Variants in ETS1 observed in about 807,000 individuals in gnomAD.
The protein encoded by ETS1 is ETS proto-oncogene 1, transcription factor.
A neutral mutation model predicts 58.6 loss-of-function variants in ETS1; 15 were observed. The observed-to-expected ratio is 0.26, with a 90% CI of 0.17 to 0.39. The LOEUF is 0.39. Among genes scored for constraint, ETS1 ranks in the 10% least tolerant of loss-of-function variants. The probability of loss-of-function intolerance (pLI) is 1.00; values close to 1 mark genes in which losing one functional copy is unlikely to be tolerated. For missense variants in ETS1, 417 were observed against 610.5 expected (o/e 0.68, Z 3.34); for synonymous variants, 214 against 218.2 (o/e 0.98, Z 0.17).
intron 4 of ETS1, 147 bp from the exon 5 acceptor site, chr11:128,489,637 A>G (rs148655987): frequency 5.7e-4 from 369 of 650,672 alleles, no homozygotes; most frequent in Non-Finnish European, 8.8e-4. Context: ...CCTGCACATC[A>G]TTGAGTGCCT....
rs1364291656 is a variant in ETS1 at position 128,522,606 on chromosome 11, GGGA to G, written c.215-32033_215-32031del. Among the ~76,000 whole-genome samples the G allele has an allele frequency of 2.0e-5, 3 of 152,316 alleles. No individual in the cohort carries two copies. In the East Asian group the frequency reaches 5.8e-4, roughly 29 times the overall value. ...CGGGCCTCGGAGCCCAGGCAGGGGC[GGGA>G]AGGGCCGGGAGCGGGTGTGCAGGCT... is the stretch of plus-strand genomic sequence containing the variant. On this transcript the variant is annotated intron_variant, in intron 3 of 9. Transcript: ENST00000392668.
rs116471411 is a variant in ETS1 at position 128,567,321 on chromosome 11, C to T, written c.69+5741G>A. Among the ~76,000 whole-genome samples the T allele has an allele frequency of 5.3e-3, 812 of 152,340 alleles. 4 individuals carry two copies. The highest frequency in any genetic ancestry group is 0.017 in the African/African-American group (707 of 41,572). ...CTCCCAAGGTGACATCCAGCATGAA[C>T]TCAGGCTTATTTCCAGTGCCCTGTT... On this transcript the variant is annotated intron_variant, in intron 2 of 9. Transcript: ENST00000392668.
chr11:128,585,188 AGGAAG>A (rs1565421995), intron 1 of ETS1, among the ~76,000 whole-genome samples: 5 of 41,736 alleles, frequency 1.2e-4, no homozygotes, highest in African/African-American at 7.0e-4. Context: ...GAAAGAAAGA[AGGAAG>A]GAAAGAAAGA....
intron 3 of ETS1, among the ~76,000 whole-genome samples, chr11:128,491,211 A>C (rs1565378980): frequency 1.3e-5 from 2 of 152,376 alleles, no homozygotes; most frequent in South Asian, 2.1e-4. Flanking sequence ...TGAAATAACA[A>C]TATTCATTCA....
intron 3 of ETS1, among the ~76,000 whole-genome samples, chr11:128,531,894 C>T (rs1863903059): frequency 6.6e-6 from 1 of 152,192 alleles, no homozygotes; most frequent in African/African-American, 2.4e-5. Context: ...AGGTACTTCC[C>T]AAACTAGCAC....
Position 128,548,673 on chromosome 11 carries a change from G to A in ETS1, c.214+7618C>T, listed in dbSNP as rs11828683. Among the ~76,000 whole-genome samples the A allele has an allele frequency of 6.9e-3, 1,047 of 152,336 alleles. 15 individuals carry two copies. The highest frequency in any genetic ancestry group is 0.024 in the African/African-American group (994 of 41,586). On this transcript the variant is annotated intron_variant, in intron 3 of 9. Transcript: ENST00000392668. ...GGCCCAGGCGCTGCCACAGGCCGAA[G>A]GGCGAGGTTCGGGCCGAGGCAGCCC...
chr11:128,462,433 C>T lies in ETS1; in HGVS notation c.1386G>A (p.Leu462=), dbSNP rs140594398. The change falls in exon 10 of 10, where the codon CTG becomes CTA. Residue 462 remains leucine (L), a synonymous_variant. Transcript: ENST00000392668. ...KRYVYRFVCD[L]QSLLGYTPEE... The stretch of plus-strand genomic sequence containing the variant: ...CAGGGGTGTACCCCAGCAGGCTCTG[C>T]AGGTCACACACAAAGCGGTACACGT... 6 of 1,614,068 alleles carry T rather than the reference C, an allele frequency of 3.7e-6. No homozygotes were observed. The highest frequency in any genetic ancestry group is 2.2e-5 in the East Asian group (1 of 44,896).
intron 3 of ETS1, among the ~76,000 whole-genome samples, chr11:128,541,142 TC>T (rs1864052209): frequency 6.6e-6 from 1 of 152,114 alleles, no homozygotes; most frequent in African/African-American, 2.4e-5. Context: ...TCATTCCCAG[TC>T]CCCTGGTGCT....
chr11:128,556,183 G>A, intron 3 of ETS1, 108 bp downstream of exon 3: 1 of 984,764 alleles, frequency 1.0e-6, no homozygotes, highest in Non-Finnish European at 1.5e-6. Context: ...AATAGCATCT[G>A]TACCCGCATA....
intron 3 of ETS1, among the ~76,000 whole-genome samples, chr11:128,523,481 A>G (rs536273505): frequency 2.6e-5 from 4 of 152,232 alleles, no homozygotes; most frequent in Non-Finnish European, 4.4e-5. Context: ...GCAATCTCAG[A>G]GAAAGCTATT....
At position 128,568,099 on chromosome 11, in the gene ETS1, G is replaced by C. The variant is rs143351166; in HGVS notation, c.69+4963C>G. ...GGAGCACAGTGGGCCACTCCTGCCC[G>C]AGCATGTTGTTCTATCTCCCAAAGT... is the stretch of plus-strand genomic sequence containing the variant. On this transcript the variant is annotated intron_variant, in intron 2 of 9. Coordinates refer to ENST00000392668, the MANE Select transcript of ETS1 (RefSeq NM_001143820.2). Among the ~76,000 whole-genome samples, 12 of 152,298 alleles carry C rather than the reference G, an allele frequency of 7.9e-5. No homozygotes were observed. The South Asian group carries it at 2.5e-3, about 32-fold the overall frequency.
At chr11:128,520,304 T>G (rs1022973984) in intron 3 of ETS1, among the ~76,000 whole-genome samples, 2 of 152,198 alleles carry the variant, frequency 1.3e-5, no homozygotes, top group Non-Finnish European at 2.9e-5. Flanking sequence ...CAGGGCTCTT[T>G]TTCATTCCCA....
chr11:128,477,984 G>T (rs545506109), intron 8 of ETS1, among the ~76,000 whole-genome samples: 1 of 152,164 alleles, frequency 6.6e-6, no homozygotes, highest in South Asian at 2.1e-4. Flanking sequence ...AGGTAAATTT[G>T]CCTAAAACCA....
Position 128,509,284 on chromosome 11 carries a change from T to C in ETS1, c.215-18708A>G, listed in dbSNP as rs537657774. On this transcript the variant is annotated intron_variant, in intron 3 of 9. Transcript: ENST00000392668. Reference sequence around the variant, plus strand: ...GTTAACATTATGTCCACCGTGGAGATGCTGATTCATTCTGTGTGTGTGTTT... The same window carrying C: ...GTTAACATTATGTCCACCGTGGAGACGCTGATTCATTCTGTGTGTGTGTTT... Among the ~76,000 whole-genome samples the C allele has an allele frequency of 4.6e-5, 7 of 152,370 alleles. No homozygotes were observed. The South Asian group carries it at 1.2e-3, about 27-fold the overall frequency.
rs563847094 is a variant in ETS1, at chr11:128,531,185, G to A, written c.214+25106C>T. ...AGCACAAGCTTGGCAGTAAATAGAC[G>A]AGAGTTTGAATTTTAGCTTGGCTGC... On this transcript the variant is annotated intron_variant, in intron 3 of 9. Transcript: ENST00000392668. 3.3e-5 allele frequency among the ~76,000 whole-genome samples: 5 copies of A among 152,280 alleles called. No homozygotes were observed. In the South Asian group the frequency reaches 6.2e-4, roughly 19 times the overall value.
At chr11:128,487,109 C>T (rs1001577914) in intron 5 of ETS1, among the ~76,000 whole-genome samples, 1 of 152,180 alleles carries the variant, frequency 6.6e-6, no homozygotes, top group Non-Finnish European at 1.5e-5. Context: ...TACCTTTCAC[C>T]TTCCACCCCA....
chr11:128,486,689 T>G (rs1862641516), intron 5 of ETS1, among the ~76,000 whole-genome samples: 1 of 152,176 alleles, frequency 6.6e-6, no homozygotes, highest in Admixed American at 6.5e-5. Context: ...AGGACACTGG[T>G]AAGGTGACTC....
Position 128,463,539 on chromosome 11 carries a change from G to T in ETS1, c.1212C>A (p.Gly404=). ...CQSFISWTGD[G]WEFKLSDPDE... is the part of the protein sequence containing the mutation. The stretch of plus-strand genomic sequence containing the variant: ...CTGGGTCAGAAAGTTTGAATTCCCA[G>T]CCATCTCCTGTCCAGCTGATAAAAG... The change falls in exon 9 of 10, where the codon GGC becomes GGA. Residue 404 remains glycine (G), a synonymous_variant. Transcript: ENST00000392668. The surrounding 1 kb of genome is among the most constrained non-coding windows in gnomAD (Gnocchi z 4.1). 6.2e-7 allele frequency: 1 copy of T among 1,609,858 alleles called. No individual in the cohort carries two copies. Among genetic ancestry groups the T allele is most frequent in the Non-Finnish European group, 8.5e-7 (1 of 1,176,208 alleles).
chr11:128,477,613 C>G (rs936212138), intron 8 of ETS1, among the ~76,000 whole-genome samples: 4 of 152,072 alleles, frequency 2.6e-5, no homozygotes, highest in Non-Finnish European at 5.9e-5. Context: ...CACCAGGTAT[C>G]AATTACAGGG....
Sources: gnomAD v4.1 joint callset for allele counts (sites outside exome capture counted in the v4.1 genomes callset) on GRCh38, gnomAD v4.1.1 for gene constraint, Gnocchi (gnomAD v3.1) non-coding constraint, MANE v1.5 for transcripts, NCBI Gene and HGNC (gene_info 2026-07-23, HGNC 2026-07-21) for gene names.